Variants in MGAT5 observed in about 807,000 individuals in gnomAD.
The protein encoded by MGAT5 is alpha-1,6-mannosylglycoprotein 6-beta-N-acetylglucosaminyltransferase.
MGAT5 carries 30 observed loss-of-function variants against 94.3 expected under a neutral mutation model. The observed-to-expected ratio is 0.32, with a 90% CI of 0.24 to 0.43. The LOEUF is 0.43. Among genes scored for constraint, MGAT5 ranks in the 20% least tolerant of loss-of-function variants. The pLI is 1.00. For synonymous variants in MGAT5, 310 were observed against 322.9 expected, an observed-to-expected ratio of 0.96 and a Z score of 0.43; for missense variants, 691 against 905.5, an observed-to-expected ratio of 0.76 and a Z score of 3.04.
intron 2 of MGAT5, among the ~76,000 whole-genome samples, chr2:134,313,054 ACACACAC>A (rs1686780156): frequency 2.7e-5 from 1 of 37,440 alleles, no homozygotes; most frequent in African/African-American, 5.1e-5. Context: ...ACACACACAC[ACACACAC>A]ACACACACAC....
chr2:134,203,703 A>G (rs547001119), intron 1 of MGAT5, among the ~76,000 whole-genome samples: 22 of 152,270 alleles, frequency 1.4e-4, no homozygotes, highest in Admixed American at 1.3e-3. Context: ...GACTGGGTTT[A>G]GTAGACCTCT....
chr2:134,267,431 GA>G (rs1683784981), intron 1 of MGAT5, among the ~76,000 whole-genome samples: 1 of 152,216 alleles, frequency 6.6e-6, no homozygotes, highest in African/African-American at 2.4e-5. Flanking sequence ...CTGGCATATA[GA>G]AAGTTCAATA....
intron 1 of MGAT5, among the ~76,000 whole-genome samples, chr2:134,174,416 C>G (rs1467444636): frequency 6.6e-6 from 1 of 152,272 alleles, no homozygotes; most frequent in East Asian, 1.9e-4. Context: ...GCTGGCTTCA[C>G]TCACCTCTAT....
intron 2 of MGAT5, among the ~76,000 whole-genome samples, chr2:134,272,661 A>G (rs1684102174): frequency 6.6e-6 from 1 of 152,186 alleles, no homozygotes; most frequent in Non-Finnish European, 1.5e-5. Context: ...TCCAATGTAC[A>G]TGATTTTACT....
At chr2:134,329,091 G>A (rs1287134292) in intron 4 of MGAT5, among the ~76,000 whole-genome samples, 3 of 146,528 alleles carry the variant, frequency 2.0e-5, no homozygotes, top group African/African-American at 8.3e-5. Flanking sequence ...AAAAACTGTT[G>A]TTTGTCTACG....
At chr2:134,163,087 G>C (rs137977891) in intron 1 of MGAT5, among the ~76,000 whole-genome samples, 3 of 152,252 alleles carry the variant, frequency 2.0e-5, no homozygotes, top group Middle Eastern at 3.4e-3. Flanking sequence ...GGAGTTGACA[G>C]TCTGCTTAGG....
intron 1 of MGAT5, among the ~76,000 whole-genome samples, chr2:134,238,647 T>A (rs1042061686): frequency 2.0e-5 from 3 of 152,174 alleles, no homozygotes; most frequent in African/African-American, 7.2e-5. Context: ...GTTGCCCTGA[T>A]GAAATATGGC....
At chr2:134,164,488 G>C (rs1389706495) in intron 1 of MGAT5, among the ~76,000 whole-genome samples, 1 of 152,128 alleles carries the variant, frequency 6.6e-6, no homozygotes, top group Admixed American at 6.5e-5. Flanking sequence ...TCAGAGGTGG[G>C]CCTGTGTGGG....
intron 2 of MGAT5, among the ~76,000 whole-genome samples, chr2:134,305,095 T>C (rs1686248699): frequency 9.0e-6 from 1 of 110,648 alleles, no homozygotes; most frequent in South Asian, 2.5e-4. Flanking sequence ...TTATACATTC[T>C]CTCTGTCCTA....
chr2:134,394,524 C>T (rs950170943), intron 10 of MGAT5, among the ~76,000 whole-genome samples: 1 of 152,068 alleles, frequency 6.6e-6, no homozygotes, highest in African/African-American at 2.4e-5. Context: ...TAAGAGAGAC[C>T]AATATATAGA....
intron 1 of MGAT5, among the ~76,000 whole-genome samples, chr2:134,136,665 A>G (rs1686425462): frequency 6.6e-6 from 1 of 152,200 alleles, no homozygotes; most frequent in Non-Finnish European, 1.5e-5. Flanking sequence ...TGTGTATTTT[A>G]TTTTATGCAT....
At position 134,364,600 on chromosome 2, in the gene MGAT5, G is replaced by T. The variant is rs568062784; in HGVS notation, c.1380+2192G>T. ...GATTTTGAGGTGTGAAAACTCCATG[G>T]GTGCCCAAGCTTCTGTGTACCTGTG... On this transcript the variant is annotated intron_variant, in intron 10 of 15. Coordinates refer to ENST00000281923, the MANE Select transcript of MGAT5 (RefSeq NM_002410.5). Among the ~76,000 whole-genome samples, 8 of 152,272 alleles carry T rather than the reference G, an allele frequency of 5.3e-5. No homozygotes were observed. The East Asian group carries it at 1.5e-3, about 29-fold the overall frequency.
Position 134,401,122 on chromosome 2 carries a change from A to G in MGAT5, c.1381-1866A>G, listed in dbSNP as rs150734562. On this transcript the variant is annotated intron_variant, in intron 10 of 15. Transcript: ENST00000281923. ...TTTTCTAGCTCTGTGTCATGCTTGC[A>G]GTGGTGATGTTTTGGTTGTAGTCAT... Among the ~76,000 whole-genome samples, 796 of 149,778 alleles carry G rather than the reference A, an allele frequency of 5.3e-3. 19 individuals carry two copies. Among genetic ancestry groups the G allele is most frequent in the Admixed American group, 0.035 (529 of 15,050 alleles).
At chr2:134,155,977 T>G (rs1245393854) in intron 1 of MGAT5, among the ~76,000 whole-genome samples, 1 of 152,206 alleles carries the variant, frequency 6.6e-6, no homozygotes, top group Non-Finnish European at 1.5e-5. Flanking sequence ...CTTTTCTTCA[T>G]AGTAGTTGCC....
upstream of MGAT5, among the ~76,000 whole-genome samples, chr2:134,252,379 A>G (rs1480899906): frequency 6.6e-6 from 1 of 152,194 alleles, no homozygotes; most frequent in Admixed American, 6.5e-5. Flanking sequence ...TTACGTTATG[A>G]TAGTACAAGA....
At chr2:134,180,591 C>T (rs1036090885) in intron 1 of MGAT5, among the ~76,000 whole-genome samples, 1 of 152,196 alleles carries the variant, frequency 6.6e-6, no homozygotes, top group Non-Finnish European at 1.5e-5. Flanking sequence ...GCAGAATGTG[C>T]CTCCAAATGC....
chr2:134,163,575 T>C (rs935013990), intron 1 of MGAT5, among the ~76,000 whole-genome samples: 1 of 152,228 alleles, frequency 6.6e-6, no homozygotes, highest in African/African-American at 2.4e-5. Context: ...ACTGATGTGA[T>C]TGAGTTGGAT....
intron 8 of MGAT5, among the ~76,000 whole-genome samples, chr2:134,349,198 A>AC (rs1163290525): frequency 6.6e-5 from 10 of 152,194 alleles, no homozygotes; most frequent in African/African-American, 2.4e-4. Context: ...GCTTTGGTGG[A>AC]ATAGTAAACA....
chr2:134,297,549 T>C (rs1394169519), intron 2 of MGAT5, among the ~76,000 whole-genome samples: 2 of 152,208 alleles, frequency 1.3e-5, no homozygotes, highest in Non-Finnish European at 2.9e-5. Flanking sequence ...AATGAACAAT[T>C]GGAATTTATT....
Sources: gnomAD v4.1 joint callset for allele counts (sites outside exome capture counted in the v4.1 genomes callset) on GRCh38, gnomAD v4.1.1 for gene constraint, MANE v1.5 for transcripts, NCBI Gene and HGNC (gene_info 2026-07-23, HGNC 2026-07-21) for gene names.